CDK14: variants seen among roughly 807,000 people sequenced by gnomAD.
The protein encoded by CDK14 is cyclin-dependent kinase 14.
Under a neutral mutation model 60.7 loss-of-function variants are expected in CDK14, and 34 were observed. The ratio of observed to expected loss-of-function variants is 0.56; its 90% CI spans 0.43 to 0.75. The LOEUF (loss-of-function observed/expected upper bound fraction) is 0.75, where lower values mean the gene tolerates loss of function less well. Ranked by LOEUF, CDK14 falls within the 30% of genes least tolerant of loss-of-function variation. The pLI is 0.00. For synonymous variants in CDK14, 197 were observed against 203.7 expected (o/e 0.97, Z 0.28); for missense variants, 482 against 564.1 (o/e 0.85, Z 1.47).
intron 11 of CDK14, among the ~76,000 whole-genome samples, chr7:91,069,851 C>G (rs1167790528): frequency 6.6e-6 from 1 of 152,132 alleles, no homozygotes; most frequent in African/African-American, 2.4e-5. Flanking sequence ...GGCTGGAGTA[C>G]GGTGGCACAA....
At chr7:91,017,213 G>T (rs1796323883) in intron 10 of CDK14, among the ~76,000 whole-genome samples, 1 of 152,114 alleles carries the variant, frequency 6.6e-6, no homozygotes, top group Admixed American at 6.5e-5. Context: ...TCCAATAGAA[G>T]AAGCTCTTTA....
intron 14 of CDK14, among the ~76,000 whole-genome samples, chr7:91,134,711 TA>T (rs1233102615): frequency 2.0e-5 from 3 of 151,990 alleles, no homozygotes; most frequent in African/African-American, 7.3e-5. Context: ...CTGTTTTTAC[TA>T]AAAATATATA....
At chr7:91,122,897 G>A (rs926274749) in intron 14 of CDK14, among the ~76,000 whole-genome samples, 3 of 152,182 alleles carry the variant, frequency 2.0e-5, no homozygotes, top group African/African-American at 7.2e-5. Context: ...GTCAGGCTCT[G>A]AGCCCTGATC....
At chr7:91,135,882 T>G (rs1197925836) in intron 14 of CDK14, among the ~76,000 whole-genome samples, 2 of 152,160 alleles carry the variant, frequency 1.3e-5, no homozygotes, top group African/African-American at 2.4e-5. Flanking sequence ...CAAGGATGTC[T>G]TTTAGAGCCG....
At chr7:90,888,179 C>T (rs916331204) in intron 6 of CDK14, among the ~76,000 whole-genome samples, 3 of 151,932 alleles carry the variant, frequency 2.0e-5, no homozygotes, top group Non-Finnish European at 2.9e-5. Flanking sequence ...GTGAACCCCC[C>T]TCTCTACTAA....
intron 2 of CDK14, among the ~76,000 whole-genome samples, chr7:90,706,029 C>T (rs1191064162): frequency 6.6e-6 from 1 of 152,098 alleles, no homozygotes; most frequent in East Asian, 1.9e-4. Context: ...TTTTTGTTTA[C>T]TCACAAAAAT....
rs764903121 is a variant in CDK14 at position 90,596,613 on chromosome 7, C to T, written c.-15C>T. 6.3e-6 allele frequency: 10 copies of T among 1,588,594 alleles called. 1 individual carries two copies. In the Admixed American group the frequency reaches 1.5e-4, roughly 24 times the overall value. On this transcript the variant is annotated 5_prime_UTR_variant, in exon 1 of 15. Transcript: ENST00000380050. ...GACCAGTTTGGGGAAGTTGTCGGGG[C>T]TCCGCGTCGCCCAGATGTGTGACCT... is the stretch of plus-strand genomic sequence containing the variant.
intron 3 of CDK14, among the ~76,000 whole-genome samples, chr7:90,745,602 G>A (rs904184407): frequency 3.9e-5 from 6 of 152,120 alleles, no homozygotes. Context: ...TTTTAGTAGA[G>A]ATGGGGTTTC....
Position 90,596,412 on chromosome 7 carries a change from C to T in CDK14, c.-216C>T, listed in dbSNP as rs1441568202. ...CGGCCGCCCCCGGCACCACGTAAAC[C>T]GCCCCCGCCCGCCCAGCTGCGGCCC... is the stretch of plus-strand genomic sequence containing the variant. On this transcript the variant is annotated 5_prime_UTR_variant, in exon 1 of 15. Coordinates refer to ENST00000380050, the MANE Select transcript of CDK14 (RefSeq NM_001287135.2). 122 of 303,762 alleles carry T rather than the reference C, an allele frequency of 4.0e-4. No homozygotes were observed. In the East Asian group the frequency reaches 6.2e-3, roughly 15 times the overall value. 18.8% of individuals were successfully genotyped at this position (303,762 alleles called of 1,614,324 possible).
At chr7:91,083,844 A>G (rs1345763234) in intron 12 of CDK14, among the ~76,000 whole-genome samples, 1 of 152,212 alleles carries the variant, frequency 6.6e-6, no homozygotes, top group Non-Finnish European at 1.5e-5. Context: ...AGAGAAAACT[A>G]TCTGAGTGGA....
intron 6 of CDK14, among the ~76,000 whole-genome samples, chr7:90,880,854 C>T (rs1361842078): frequency 2.0e-5 from 3 of 152,086 alleles, no homozygotes; most frequent in African/African-American, 7.2e-5. Context: ...AGGGATCTGA[C>T]TACTGAAAGA....
At chr7:90,599,072 G>C (rs1405691710) in intron 1 of CDK14, among the ~76,000 whole-genome samples, 1 of 152,214 alleles carries the variant, frequency 6.6e-6, no homozygotes, top group Non-Finnish European at 1.5e-5. Context: ...TATAGTGCAT[G>C]AGTTAAGAAT....
chr7:90,661,411 G>A (rs1046471265), intron 2 of CDK14, among the ~76,000 whole-genome samples: 1 of 152,162 alleles, frequency 6.6e-6, no homozygotes, highest in Non-Finnish European at 1.5e-5. Context: ...CACACATGGA[G>A]GTCCTTGTGC....
intron 14 of CDK14, among the ~76,000 whole-genome samples, chr7:91,183,200 G>A (rs1802059482): frequency 6.6e-6 from 1 of 152,172 alleles, no homozygotes; most frequent in Admixed American, 6.5e-5. Context: ...ACCCAGGCTG[G>A]GGTGGTGCAC....
chr7:90,806,903 A>G (rs1340725578), intron 5 of CDK14, among the ~76,000 whole-genome samples: 2 of 152,172 alleles, frequency 1.3e-5, no homozygotes, highest in African/African-American at 4.8e-5. Context: ...ACTGCAAGGT[A>G]GCAGCGAGGC....
intron 14 of CDK14, among the ~76,000 whole-genome samples, chr7:91,175,625 C>A (rs796076462): frequency 1.1e-4 from 17 of 151,030 alleles, no homozygotes; most frequent in African/African-American, 1.9e-4. Context: ...TCTACCAAGC[C>A]AATGGAAAAC....
intron 2 of CDK14, chr7:90,709,575 G>C (rs939132036): frequency 5.6e-6 from 9 of 1,613,286 alleles, no homozygotes; most frequent in South Asian, 1.1e-5. Context: ...TGCTGCTGCA[G>C]AGCCCGGTTA....
At chr7:90,775,477 AT>A (rs1804984802) in intron 4 of CDK14, among the ~76,000 whole-genome samples, 1 of 152,214 alleles carries the variant, frequency 6.6e-6, no homozygotes, top group East Asian at 1.9e-4. Context: ...ATAAAAATCT[AT>A]TTGAAATGGC....
intron 4 of CDK14, among the ~76,000 whole-genome samples, chr7:90,748,257 C>T (rs539422998): frequency 1.5e-3 from 222 of 152,288 alleles, no homozygotes; most frequent in African/African-American, 5.0e-3. Flanking sequence ...GCTTTGGCAT[C>T]ATGCTGCATA....
Sources: allele counts gnomAD v4.1 joint callset (sites outside exome capture counted in the v4.1 genomes callset), GRCh38; gene constraint gnomAD v4.1.1; transcripts MANE v1.5; gene names NCBI Gene and HGNC (gene_info 2026-07-23, HGNC 2026-07-21).